Variants in ZZZ3 observed in about 807,000 individuals in gnomAD.
ZZZ3 encodes the protein ZZ-type zinc finger-containing protein 3.
ZZZ3 carries 22 observed loss-of-function variants against 95.2 expected under a neutral mutation model. The observed-to-expected ratio is 0.23, with a 90% CI of 0.17 to 0.33. The LOEUF is 0.33. Ranked by LOEUF, ZZZ3 falls within the 10% of genes least tolerant of loss-of-function variation. ZZZ3 has a pLI of 1.00. For missense variants in ZZZ3, 885 were observed against 1,066.5 expected (o/e 0.83, Z 2.37); for synonymous variants, 335 against 358.9 (o/e 0.93, Z 0.75).
At chr1:77,596,872 G>A (rs577303353) in intron 5 of ZZZ3, among the ~76,000 whole-genome samples, 24 of 152,182 alleles carry the variant, frequency 1.6e-4, no homozygotes, top group African/African-American at 5.5e-4. Context: ...TTAGAGTTGG[G>A]AGTCATTACA....
At chr1:77,566,274 ATCTTC>A in intron 13 of ZZZ3, 93 bp from the exon 14 acceptor site, 1 of 812,790 alleles carries the variant, frequency 1.2e-6, no homozygotes, top group Non-Finnish European at 2.0e-6. Flanking sequence ...GCACACAGAC[ATCTTC>A]TCTTCTCTCT....
chr1:77,572,361 C>A (rs892433690), intron 12 of ZZZ3, among the ~76,000 whole-genome samples: 4 of 152,056 alleles, frequency 2.6e-5, no homozygotes, highest in African/African-American at 9.7e-5. Flanking sequence ...TTTTTTGAGA[C>A]GGAGTCTCAC....
At chr1:77,647,959 G>C (rs1669443706) in intron 1 of ZZZ3, among the ~76,000 whole-genome samples, 1 of 152,150 alleles carries the variant, frequency 6.6e-6, no homozygotes, top group Admixed American at 6.6e-5. Context: ...GCCATTTCCA[G>C]TGAACTCCAC....
intron 10 of ZZZ3, 143 bp downstream of exon 10, chr1:77,579,384 A>G: frequency 1.9e-6 from 1 of 540,258 alleles, no homozygotes. Flanking sequence ...AATATATACA[A>G]TTTTTTTAAA....
In ZZZ3 at chr1:77,600,126, C is replaced by T. The variant is rs1020606805; in HGVS notation, c.1506-15471G>A. Among the ~76,000 whole-genome samples, 9 of 74,076 alleles carry T rather than the reference C, an allele frequency of 1.2e-4. No homozygotes were observed. The Admixed American group carries it at 1.4e-3, about 11-fold the overall frequency. The allele number at this position is 74,076 out of a possible 152,430, so 48.6% of individuals were successfully genotyped here. A position where few individuals can be genotyped will look rare whatever the true frequency, so the allele number is the denominator to read the frequency against. On this transcript the variant is annotated intron_variant, in intron 5 of 14. Coordinates refer to ENST00000370801, the MANE Select transcript of ZZZ3 (RefSeq NM_015534.6). Reference sequence around the variant, plus strand: ...ACAATATGTATATGTCCCTATAAGACTTAAAAAAAAAAAATCATGTTTGAC... The same window carrying T: ...ACAATATGTATATGTCCCTATAAGATTTAAAAAAAAAAAATCATGTTTGAC...
chr1:77,673,489 C>T (rs926835438), intron 1 of ZZZ3, among the ~76,000 whole-genome samples: 7 of 152,048 alleles, frequency 4.6e-5, no homozygotes, highest in African/African-American at 1.4e-4. Flanking sequence ...TCCAGCTACT[C>T]GGGAGTCTGA....
intron 3 of ZZZ3, chr1:77,640,837 A>C (rs1051592503): frequency 6.6e-6 from 1 of 152,338 alleles, no homozygotes; most frequent in African/African-American, 2.4e-5. Flanking sequence ...GACTTACTGC[A>C]TAATAAAAAT....
intron 5 of ZZZ3, among the ~76,000 whole-genome samples, chr1:77,591,318 T>A (rs570578382): frequency 3.3e-5 from 5 of 152,118 alleles, no homozygotes; most frequent in Non-Finnish European, 7.4e-5. Context: ...TTTCTTTTCT[T>A]TTCCTCCCTC....
chr1:77,620,275 G>A (rs983450749), intron 5 of ZZZ3, among the ~76,000 whole-genome samples: 2 of 152,200 alleles, frequency 1.3e-5, no homozygotes, highest in Non-Finnish European at 2.9e-5. Flanking sequence ...TGTACAGTGA[G>A]AGGCAGACAG....
chr1:77,675,608 T>C (rs1011608525), intron 1 of ZZZ3, among the ~76,000 whole-genome samples: 1 of 152,170 alleles, frequency 6.6e-6, no homozygotes, highest in Non-Finnish European at 1.5e-5. Flanking sequence ...ACTTTTTTTT[T>C]TTTCAAATAT....
intron 5 of ZZZ3, among the ~76,000 whole-genome samples, chr1:77,614,565 C>T (rs72683657): frequency 0.012 from 1,880 of 152,110 alleles, 42 homozygotes; most frequent in South Asian, 0.1. Context: ...AATTATATTA[C>T]AAGACAAACT....
At chr1:77,579,675 T>C in intron 9 of ZZZ3, 47 bp from the exon 10 acceptor site, 1 of 1,090,408 alleles carries the variant, frequency 9.2e-7, no homozygotes, top group Non-Finnish European at 1.3e-6. Flanking sequence ...TATTTAATTT[T>C]AAATATTGGA....
chr1:77,619,884 TG>T (rs1447744215), intron 5 of ZZZ3, among the ~76,000 whole-genome samples: 5 of 152,088 alleles, frequency 3.3e-5, no homozygotes, highest in Non-Finnish European at 7.4e-5. Context: ...AGTCAAATAA[TG>T]GTATTTAAAT....
At chr1:77,599,058 G>A (rs1041053556) in intron 5 of ZZZ3, among the ~76,000 whole-genome samples, 2 of 152,040 alleles carry the variant, frequency 1.3e-5, no homozygotes, top group Admixed American at 1.3e-4. Context: ...TTTAGTAATG[G>A]TAGTCCTTTT....
rs74090676 is a variant in ZZZ3, at chr1:77,606,234, C to G, written c.1506-21579G>C. Among the ~76,000 whole-genome samples, 528 of 152,270 alleles carry G rather than the reference C, an allele frequency of 3.5e-3. 3 individuals carry two copies. The highest frequency in any genetic ancestry group is 0.012 in the African/African-American group (503 of 41,544). The stretch of plus-strand genomic sequence containing the variant: ...CCCCACGGGCCTGTGGTGATGGTGG[C>G]CATGGGGTGAGGCTCCTCTGCCTAT... On this transcript the variant is annotated intron_variant, in intron 5 of 14. Coordinates refer to ENST00000370801, the MANE Select transcript of ZZZ3 (RefSeq NM_015534.6).
In ZZZ3 at chr1:77,654,651, A is replaced by G. The variant is rs570749700; in HGVS notation, c.-402-12996T>C. Among the ~76,000 whole-genome samples the G allele has an allele frequency of 9.8e-4, 149 of 152,314 alleles. 1 individual carries two copies. Among genetic ancestry groups the G allele is most frequent in the African/African-American group, 3.4e-3 (143 of 41,570 alleles). On this transcript the variant is annotated intron_variant, in intron 1 of 14. Coordinates refer to ENST00000370801, the MANE Select transcript of ZZZ3 (RefSeq NM_015534.6). ...CGAAAAGAAAAAATAGGAAATAAAC[A>G]TAACTGGCCCTTTTGACATCAGGCC...
At position 77,564,770 on chromosome 1, in the gene ZZZ3, T is replaced by C. The variant is rs1216264119; in HGVS notation, c.*870A>G. ...CTACAAAAGAGGGAAATTATTACCATATATATGATTTTTATATTAGGCAGT... is the reference window on the plus strand; with the variant it reads ...CTACAAAAGAGGGAAATTATTACCACATATATGATTTTTATATTAGGCAGT... On this transcript the variant is annotated 3_prime_UTR_variant, in exon 15 of 15. Coordinates refer to ENST00000370801, the MANE Select transcript of ZZZ3 (RefSeq NM_015534.6). 1 of 152,580 alleles carries C rather than the reference T, an allele frequency of 6.6e-6. No homozygotes were observed. Among genetic ancestry groups the C allele is most frequent in the Non-Finnish European group, 1.5e-5 (1 of 67,998 alleles). 9.5% of individuals were successfully genotyped at this position (152,580 alleles called of 1,614,324 possible).
intron 5 of ZZZ3, among the ~76,000 whole-genome samples, chr1:77,619,114 T>C (rs550601662): frequency 6.6e-6 from 1 of 152,320 alleles, no homozygotes; most frequent in African/African-American, 2.4e-5. Context: ...TCCAGAATTT[T>C]AGATTACCTA....
chr1:77,599,332 C>T (rs1320380830), intron 5 of ZZZ3, among the ~76,000 whole-genome samples: 1 of 151,890 alleles, frequency 6.6e-6, no homozygotes, highest in African/African-American at 2.4e-5. Flanking sequence ...AACTTATACA[C>T]TCATTCCACA....
Sources: allele counts gnomAD v4.1 joint callset (sites outside exome capture counted in the v4.1 genomes callset), GRCh38; gene constraint gnomAD v4.1.1; transcripts MANE v1.5; gene names NCBI Gene and HGNC (gene_info 2026-07-23, HGNC 2026-07-21).